The following MAGI2 variants were observed in gnomAD, a reference collection of about 807,000 sequenced individuals.
The protein encoded by MAGI2 is membrane associated guanylate kinase, WW and PDZ domain containing 2.
A neutral mutation model predicts 133.3 loss-of-function variants in MAGI2; 35 were observed. The ratio of observed to expected loss-of-function variants is 0.26; its 90% CI spans 0.20 to 0.35. The LOEUF (loss-of-function observed/expected upper bound fraction) is 0.35, where lower values mean the gene tolerates loss of function less well. Among genes scored for constraint, MAGI2 ranks in the 10% least tolerant of loss-of-function variants. MAGI2 has a pLI of 1.00. For missense variants in MAGI2, 1,636 were observed against 1,863.4 expected (o/e 0.88, Z 2.25); for synonymous variants, 729 against 710.6 (o/e 1.03, Z -0.41).
At chr7:79,301,707 T>C (rs1837408852) in intron 1 of MAGI2, among the ~76,000 whole-genome samples, 4 of 152,228 alleles carry the variant, frequency 2.6e-5, no homozygotes, top group Non-Finnish European at 5.9e-5. Flanking sequence ...GAAAAGGACA[T>C]AAGATTTTGA....
chr7:78,928,423 A>G (rs1407576547), intron 2 of MAGI2, among the ~76,000 whole-genome samples: 1 of 151,924 alleles, frequency 6.6e-6, no homozygotes, highest in Non-Finnish European at 1.5e-5. Context: ...AAAAACCCTC[A>G]AGAACTGGAG....
At position 79,123,785 on chromosome 7, in the gene MAGI2, CAAAAAAAAA is replaced by C. The variant is rs71095377; in HGVS notation, c.302-116588_302-116580del. Among the ~76,000 whole-genome samples, 7 of 60,764 alleles carry C rather than the reference CAAAAAAAAA, an allele frequency of 1.2e-4. No individual in the cohort carries two copies. The Admixed American group carries it at 1.6e-3, about 14-fold the overall frequency. 39.9% of individuals were successfully genotyped at this position (60,764 alleles called of 152,430 possible). ...TGGGCGACAGAGTGAGACTCCATCT[CAAAAAAAAA>C]AAAAAAAAAAAAAGAGATAACGCAC... On this transcript the variant is annotated intron_variant, in intron 1 of 21. Coordinates refer to ENST00000354212, the MANE Select transcript of MAGI2 (RefSeq NM_012301.4).
intron 2 of MAGI2, among the ~76,000 whole-genome samples, chr7:78,685,738 T>C (rs992360109): frequency 6.6e-6 from 1 of 151,794 alleles, no homozygotes; most frequent in African/African-American, 2.4e-5. Context: ...CTGTAACTGA[T>C]AGGTGATAGG....
intron 9 of MAGI2, among the ~76,000 whole-genome samples, chr7:78,317,494 T>G (rs755135398): frequency 6.6e-6 from 1 of 152,168 alleles, no homozygotes; most frequent in Non-Finnish European, 1.5e-5. Context: ...ATGGAGAAAG[T>G]GGCATATTAA....
Position 78,818,748 on chromosome 7 carries a change from T to G in MAGI2, c.418+188342A>C, listed in dbSNP as rs567993599. On this transcript the variant is annotated intron_variant, in intron 2 of 21. Transcript: ENST00000354212. ...ACTACAGAGTGTGACTTTTTAAAAC[T>G]CTTTGCTTACCTTTCTTTCAATCAA... Among the ~76,000 whole-genome samples, 548 of 152,256 alleles carry G rather than the reference T, an allele frequency of 3.6e-3. 3 individuals are homozygous for G. The highest frequency in any genetic ancestry group is 6.8e-3 in the Middle Eastern group (2 of 294).
intron 1 of MAGI2, among the ~76,000 whole-genome samples, chr7:79,300,991 C>T (rs191082511): frequency 4.6e-4 from 70 of 152,360 alleles, no homozygotes; most frequent in Non-Finnish European, 8.5e-4. Context: ...GTCAAGCCTG[C>T]GAGTGCACAG....
chr7:78,489,888 CA>C (rs1265104914), intron 5 of MAGI2, 48 bp from the exon 6 acceptor site: 5 of 1,289,084 alleles, frequency 3.9e-6, no homozygotes, highest in Non-Finnish European at 5.3e-6. Flanking sequence ...TAAAAGGAAT[CA>C]AGTTTATTCC....
At chr7:79,257,940 C>T (rs1367976149) in intron 1 of MAGI2, among the ~76,000 whole-genome samples, 1 of 152,096 alleles carries the variant, frequency 6.6e-6, no homozygotes, top group African/African-American at 2.4e-5. Context: ...ATAGTATTCT[C>T]ACTGGCAAGA....
chr7:78,684,037 C>T (rs972683932), intron 2 of MAGI2, among the ~76,000 whole-genome samples: 125 of 152,272 alleles, frequency 8.2e-4, no homozygotes, highest in African/African-American at 2.9e-3. Context: ...CCTCTAATCA[C>T]GTAAGGTTGT....
intron 1 of MAGI2, among the ~76,000 whole-genome samples, chr7:79,387,568 G>A (rs994855913): frequency 6.6e-6 from 1 of 151,778 alleles, no homozygotes; most frequent in Non-Finnish European, 1.5e-5. Flanking sequence ...CTGCAATTTT[G>A]GTCCCTACTC....
intron 21 of MAGI2, among the ~76,000 whole-genome samples, chr7:78,046,939 G>A (rs1204371570): frequency 6.6e-6 from 1 of 152,140 alleles, no homozygotes; most frequent in Non-Finnish European, 1.5e-5. Context: ...TATATTACAT[G>A]TTGGTTTATA....
intron 1 of MAGI2, among the ~76,000 whole-genome samples, chr7:79,043,559 A>AG (rs1179921719): frequency 6.0e-5 from 9 of 150,788 alleles, no homozygotes; most frequent in African/African-American, 2.2e-4. Context: ...AAAAAAAAAA[A>AG]AAAAAGAAAT....
intron 3 of MAGI2, among the ~76,000 whole-genome samples, chr7:78,542,229 G>A (rs139426492): frequency 6.6e-6 from 1 of 152,210 alleles, no homozygotes; most frequent in Non-Finnish European, 1.5e-5. Flanking sequence ...AAAGTAGACT[G>A]GACTTAGTCC....
At chr7:78,390,029 G>A (rs13223430) in intron 6 of MAGI2, among the ~76,000 whole-genome samples, 81,954 of 152,000 alleles carry the variant, frequency 0.54, 23,028 homozygotes, top group Middle Eastern at 0.66. Flanking sequence ...AATACTTTGT[G>A]ACATTTCAGA....
intron 3 of MAGI2, chr7:78,568,002 G>A (rs1295676960): frequency 2.0e-5 from 3 of 152,174 alleles, no homozygotes; most frequent in African/African-American, 7.2e-5. Flanking sequence ...CGTCTTAGCT[G>A]AGCTGTGAAC....
intron 3 of MAGI2, among the ~76,000 whole-genome samples, chr7:78,612,960 G>A (rs1052221926): frequency 6.6e-6 from 1 of 152,132 alleles, no homozygotes; most frequent in Non-Finnish European, 1.5e-5. Context: ...GTGAGCCACC[G>A]CGCCAGGCCG....
At chr7:78,897,979 C>A (rs1252140394) in intron 2 of MAGI2, among the ~76,000 whole-genome samples, 2 of 152,094 alleles carry the variant, frequency 1.3e-5, no homozygotes, top group African/African-American at 4.8e-5. Context: ...CTATAAGGAA[C>A]TTAAATTTAT....
chr7:78,168,119 A>G lies in MAGI2; in HGVS notation c.2404-11T>C, dbSNP rs1365478723. The G allele has an allele frequency of 6.2e-7, 1 of 1,610,238 alleles. No homozygotes were observed. The highest frequency in any genetic ancestry group is 8.5e-7 in the Non-Finnish European group (1 of 1,177,242). On this transcript the variant is annotated splice_polypyrimidine_tract_variant and intron_variant, in intron 14 of 21. Coordinates refer to ENST00000354212, the MANE Select transcript of MAGI2 (RefSeq NM_012301.4). ...AGCTCCAATCAAAATCTAGAGAAGC[A>G]GTGAGAAGGAAAGGACATTCACATT... is the stretch of plus-strand genomic sequence containing the variant.
chr7:79,199,819 C>A (rs1461208236), intron 1 of MAGI2, among the ~76,000 whole-genome samples: 1 of 151,866 alleles, frequency 6.6e-6, no homozygotes, highest in African/African-American at 2.4e-5. Flanking sequence ...GCAAGACATG[C>A]AAAGATTTTG....
Sources: allele counts gnomAD v4.1 joint callset (sites outside exome capture counted in the v4.1 genomes callset), GRCh38; gene constraint gnomAD v4.1.1; transcripts MANE v1.5; gene names NCBI Gene and HGNC (gene_info 2026-07-23, HGNC 2026-07-21).